PDE1C: variants seen among roughly 807,000 people sequenced by gnomAD.
PDE1C encodes the protein dual specificity calcium/calmodulin-dependent 3',5'-cyclic nucleotide phosphodiesterase 1C.
PDE1C carries 62 observed loss-of-function variants against 93.1 expected under a neutral mutation model. That is an observed-to-expected ratio of 0.67 (90% confidence interval 0.54 to 0.82). PDE1C has a LOEUF of 0.82. Ranked by LOEUF, PDE1C falls within the 40% of genes least tolerant of loss-of-function variation. PDE1C has a pLI of 0.00. For synonymous variants in PDE1C, 325 were observed against 310.1 expected, an observed-to-expected ratio of 1.05 and a Z score of -0.50; for missense variants, 742 against 884.6, an observed-to-expected ratio of 0.84 and a Z score of 2.04.
chr7:32,100,532 CAGT>C (rs1797987427), intron 3 of PDE1C, among the ~76,000 whole-genome samples: 1 of 152,192 alleles, frequency 6.6e-6, no homozygotes, highest in Non-Finnish European at 1.5e-5. Flanking sequence ...GTAATTACTT[CAGT>C]CCTGGCTAAG....
chr7:31,682,563 G>A, the PDE1C span, among the ~76,000 whole-genome samples: 3 of 152,150 alleles, frequency 2.0e-5, no homozygotes, highest in Non-Finnish European at 2.9e-5. Context: ...AAACAGTTTG[G>A]CAGTTTCTTA....
chr7:32,147,272 A>AAAAGAAAGAAAGAAAGAAAGAAAG (rs3078683), intron 3 of PDE1C, among the ~76,000 whole-genome samples: 1 of 96,610 alleles, frequency 1.0e-5, no homozygotes, highest in Non-Finnish European at 2.2e-5. Flanking sequence ...AAGAAAGAAA[A>AAAAGAAAGAAAGAAAGAAAGAAAG]AAAGAAAGAA....
At chr7:31,650,257 G>A in the PDE1C span, among the ~76,000 whole-genome samples, 1 of 152,184 alleles carries the variant, frequency 6.6e-6, no homozygotes, top group South Asian at 2.1e-4. Flanking sequence ...AAAGCAAACA[G>A]TAAATTTTCC....
At chr7:31,973,024 C>A (rs776900396) in intron 2 of PDE1C, among the ~76,000 whole-genome samples, 18 of 152,134 alleles carry the variant, frequency 1.2e-4, no homozygotes, top group Admixed American at 3.3e-4. Context: ...CTCCTGCAGG[C>A]TTGGCATCTC....
the PDE1C span, chr7:31,658,299 CTTT>C: frequency 7.2e-7 from 1 of 1,388,380 alleles, no homozygotes. Context: ...AGCTGGATCC[CTTT>C]TTTTTTTCTT....
chr7:32,304,996 T>A (rs1175917289), intron 1 of PDE1C, among the ~76,000 whole-genome samples: 2 of 152,186 alleles, frequency 1.3e-5, no homozygotes, highest in African/African-American at 4.8e-5. Context: ...TAGAGCTCAC[T>A]CAACCCTGGG....
chr7:32,066,464 T>C (rs1028259176), intron 1 of PDE1C, among the ~76,000 whole-genome samples: 1 of 152,168 alleles, frequency 6.6e-6, no homozygotes, highest in Non-Finnish European at 1.5e-5. Flanking sequence ...GCAAAATAAA[T>C]ATATGAGATT....
intron 16 of PDE1C, among the ~76,000 whole-genome samples, chr7:31,804,718 C>T (rs193203959): frequency 1.9e-4 from 29 of 151,928 alleles, no homozygotes; most frequent in Admixed American, 1.6e-3. Context: ...TTGCCAACAT[C>T]TCCATTCTTT....
chr7:31,896,780 G>C (rs748657483), intron 2 of PDE1C, among the ~76,000 whole-genome samples: 1 of 152,256 alleles, frequency 6.6e-6, no homozygotes, highest in Admixed American at 6.5e-5. Flanking sequence ...CTGACCTTGT[G>C]GGGTGGGACA....
At chr7:31,855,468 ATC>A (rs1194335643) in intron 7 of PDE1C, among the ~76,000 whole-genome samples, 1 of 152,060 alleles carries the variant, frequency 6.6e-6, no homozygotes, top group African/African-American at 2.4e-5. Context: ...CATCTGCAAA[ATC>A]TCTTTTATAA....
intron 1 of PDE1C, among the ~76,000 whole-genome samples, chr7:32,228,093 C>T (rs1043643203): frequency 2.0e-5 from 3 of 152,242 alleles, no homozygotes; most frequent in Non-Finnish European, 4.4e-5. Context: ...TGTGAGATAA[C>T]ACCTCTCTAC....
At chr7:31,709,478 T>C in the PDE1C span, among the ~76,000 whole-genome samples, 1 of 152,214 alleles carries the variant, frequency 6.6e-6, no homozygotes, top group South Asian at 2.1e-4. Context: ...ACGGTGTTTT[T>C]TCTATTGCCA....
intron 1 of PDE1C, among the ~76,000 whole-genome samples, chr7:32,408,939 C>T (rs1010604906): frequency 9.2e-5 from 14 of 152,166 alleles, no homozygotes; most frequent in African/African-American, 3.1e-4. Context: ...TTAAGTGGTC[C>T]AGTTTCTGGA....
At chr7:32,195,473 T>C (rs536677328) in intron 2 of PDE1C, among the ~76,000 whole-genome samples, 1 of 152,310 alleles carries the variant, frequency 6.6e-6, no homozygotes, top group African/African-American at 2.4e-5. Flanking sequence ...ATCAAAAATC[T>C]GTTCTCATTC....
chr7:31,642,413 C>T, the PDE1C span, among the ~76,000 whole-genome samples: 1 of 152,168 alleles, frequency 6.6e-6, no homozygotes, highest in South Asian at 2.1e-4. Context: ...AGGCACAAGC[C>T]ACCTGCACCC....
intron 2 of PDE1C, among the ~76,000 whole-genome samples, chr7:31,942,544 C>G (rs984943166): frequency 5.3e-5 from 8 of 152,066 alleles, no homozygotes; most frequent in Non-Finnish European, 1.0e-4. Flanking sequence ...TTGTGTGCTG[C>G]CCTTTGTCTC....
At position 32,246,546 on chromosome 7, in the gene PDE1C, A is replaced by G. The variant is rs954743178; in HGVS notation, c.86-37007T>C. Among the ~76,000 whole-genome samples, 6 of 152,188 alleles carry G rather than the reference A, an allele frequency of 3.9e-5. No homozygotes were observed. In the South Asian group the frequency reaches 6.2e-4, roughly 16 times the overall value. ...GGAATCTTCTTAGAACACAGAGAAG[A>G]AGCACTTAGCAAAAGTGAGCCTACA... is the stretch of plus-strand genomic sequence containing the variant. On this transcript the variant is annotated intron_variant, in intron 1 of 18. Coordinates refer to the PDE1C transcript ENST00000396193.
chr7:32,158,210 T>C (rs1423271465), intron 3 of PDE1C, among the ~76,000 whole-genome samples: 1 of 152,230 alleles, frequency 6.6e-6, no homozygotes, highest in Non-Finnish European at 1.5e-5. Context: ...TTCCTATTTC[T>C]GACTTTGCAG....
rs183322097 is a variant in PDE1C at position 32,215,440 on chromosome 7, G to T, written c.86-5901C>A. On this transcript the variant is annotated intron_variant, in intron 1 of 18. Transcript: ENST00000396193. ...CCAGAAGCCACTTGGGTACACTAAT[G>T]TCTGAGAAGCAGCAATATAAAGGAC... 5.9e-5 allele frequency among the ~76,000 whole-genome samples: 9 copies of T among 152,304 alleles called. No homozygotes were observed. The East Asian group carries it at 1.7e-3, about 29-fold the overall frequency.
Sources: gnomAD v4.1 joint callset for allele counts (sites outside exome capture counted in the v4.1 genomes callset) on GRCh38, gnomAD v4.1.1 for gene constraint, MANE v1.5 for transcripts, NCBI Gene and HGNC (gene_info 2026-07-23, HGNC 2026-07-21) for gene names.